Variants in TRIM24 observed in about 807,000 individuals in gnomAD.
TRIM24 encodes the protein tripartite motif containing 24.
TRIM24 carries 29 observed loss-of-function variants against 123.9 expected under a neutral mutation model. The ratio of observed to expected loss-of-function variants is 0.23; its 90% CI spans 0.17 to 0.32. TRIM24 has a LOEUF of 0.32. Among genes scored for constraint, TRIM24 ranks in the 10% least tolerant of loss-of-function variants. TRIM24 has a pLI of 1.00. For missense variants in TRIM24, 932 were observed against 1,295.3 expected (o/e 0.72, Z 4.31); for synonymous variants, 456 against 461.1 (o/e 0.99, Z 0.14).
In TRIM24 at chr7:138,588,187, T is replaced by C. The variant is rs1798050108; in HGVS notation, c.*3236T>C. On this transcript the variant is annotated 3_prime_UTR_variant, in exon 19 of 19. Transcript: ENST00000343526. ...TATGAAACTGCATTTCAATATGCTA[T>C]GCTGTTACTGTGCTTAGACACTTCC... The C allele has an allele frequency of 1.3e-5, 2 of 152,228 alleles. No homozygotes were observed. Among genetic ancestry groups the C allele is most frequent in the Non-Finnish European group, 2.9e-5 (2 of 68,046 alleles). 9.4% of individuals were successfully genotyped at this position (152,228 alleles called of 1,614,324 possible). A position where few individuals can be genotyped will look rare whatever the true frequency, so the allele number is the denominator to read the frequency against.
chr7:138,475,384 A>C (rs969191268), intron 1 of TRIM24, among the ~76,000 whole-genome samples: 2 of 152,224 alleles, frequency 1.3e-5, no homozygotes, highest in African/African-American at 2.4e-5. Context: ...CAAAAGAAAC[A>C]AATACAATGA....
chr7:138,461,921 A>G (rs543276293), intron 1 of TRIM24, among the ~76,000 whole-genome samples: 1 of 152,318 alleles, frequency 6.6e-6, no homozygotes, highest in Admixed American at 6.5e-5. Flanking sequence ...TACTTCAAAT[A>G]GATTGTGGGC....
chr7:138,518,373 A>T (rs1244440583), intron 3 of TRIM24, among the ~76,000 whole-genome samples: 1 of 152,164 alleles, frequency 6.6e-6, no homozygotes. Flanking sequence ...TGGAGGTAAG[A>T]TTATTTCTGA....
At chr7:138,461,154 G>A (rs1473084634) in intron 1 of TRIM24, 1 of 702,992 alleles carries the variant, frequency 1.4e-6, no homozygotes, top group East Asian at 2.8e-5. Context: ...CGCCGCCGCT[G>A]CTCCGCATTC....
At chr7:138,541,061 A>G (rs2116612978) in intron 7 of TRIM24, among the ~76,000 whole-genome samples, 1 of 152,200 alleles carries the variant, frequency 6.6e-6, no homozygotes, top group African/African-American at 2.4e-5. Context: ...CTGGTCTCGA[A>G]ACTCCTGACC....
chr7:138,549,108 T>C (rs2116626801), intron 7 of TRIM24, among the ~76,000 whole-genome samples: 1 of 152,300 alleles, frequency 6.6e-6, no homozygotes, highest in Middle Eastern at 3.4e-3. Context: ...GCACTGTAGG[T>C]TTGTTTACAC....
At chr7:138,481,087 G>T (rs1833494) in intron 1 of TRIM24, among the ~76,000 whole-genome samples, 5,583 of 152,154 alleles carry the variant, frequency 0.037, 149 homozygotes, top group Middle Eastern at 0.088. Context: ...CTGACCCCCA[G>T]GTTCAAGCGA....
chr7:138,508,752 T>G (rs2116540747), intron 2 of TRIM24, among the ~76,000 whole-genome samples: 1 of 151,836 alleles, frequency 6.6e-6, no homozygotes, highest in Admixed American at 6.6e-5. Flanking sequence ...TGTGTCACTC[T>G]GTTTGAGTCT....
At chr7:138,477,238 T>G (rs1795424025) in intron 1 of TRIM24, among the ~76,000 whole-genome samples, 1 of 152,118 alleles carries the variant, frequency 6.6e-6, no homozygotes, top group Non-Finnish European at 1.5e-5. Flanking sequence ...GAGAACTGCT[T>G]GAACCCAGGA....
At chr7:138,485,084 T>G (rs1454902284) in intron 1 of TRIM24, among the ~76,000 whole-genome samples, 2 of 152,144 alleles carry the variant, frequency 1.3e-5, no homozygotes, top group African/African-American at 4.8e-5. Flanking sequence ...TTCTCTTTCC[T>G]CAATATGGAT....
chr7:138,466,291 G>A (rs767117203), intron 1 of TRIM24, among the ~76,000 whole-genome samples: 1 of 152,058 alleles, frequency 6.6e-6, no homozygotes, highest in Non-Finnish European at 1.5e-5. Context: ...CACTGTGCCT[G>A]GCCTGTCAGT....
chr7:138,566,513 A>G (rs1377993874), intron 9 of TRIM24, among the ~76,000 whole-genome samples: 1 of 152,054 alleles, frequency 6.6e-6, no homozygotes, highest in Non-Finnish European at 1.5e-5. Flanking sequence ...CAAACAAACA[A>G]AAAACAGAAA....
chr7:138,481,917 G>A (rs1795534905), intron 1 of TRIM24, among the ~76,000 whole-genome samples: 1 of 152,148 alleles, frequency 6.6e-6, no homozygotes, highest in South Asian at 2.1e-4. Context: ...GTATGGTGAG[G>A]TTGCAGTCCA....
rs147789598 is a variant in TRIM24, at chr7:138,554,711, C to T, written c.1275C>T (p.Ile425=). ...CTTTTTAATTAGGTTCTTTAGTAAT[C>T]GAGGATAAAGAGAGCCAGCCACAAA... The part of the protein sequence containing the change: ...QNIINLGSLV[I]EDKESQPQMP... The change falls in exon 9 of 19, where the codon ATC becomes ATT. Residue 425 remains isoleucine (I), a synonymous_variant. Transcript: ENST00000343526. The surrounding 1 kb of genome is among the most constrained non-coding windows in gnomAD (Gnocchi z 4.5). 53 of 1,613,666 alleles carry T rather than the reference C, an allele frequency of 3.3e-5. No individual in the cohort carries two copies. The highest frequency in any genetic ancestry group is 2.1e-4 in the African/African-American group (16 of 74,896).
At chr7:138,490,632 A>G (rs1345911351) in intron 1 of TRIM24, 1 of 328,768 alleles carries the variant, frequency 3.0e-6, no homozygotes, top group South Asian at 2.7e-5. Flanking sequence ...ATTAGCACGT[A>G]TCTCATCCCC....
intron 9 of TRIM24, among the ~76,000 whole-genome samples, chr7:138,564,211 T>C (rs1047991190): frequency 3.0e-4 from 46 of 152,158 alleles, no homozygotes; most frequent in Admixed American, 2.2e-3. Flanking sequence ...CTTGACCCTG[T>C]TCATCATAAT....
intron 9 of TRIM24, among the ~76,000 whole-genome samples, chr7:138,557,640 GT>G (rs1797342104): frequency 6.6e-6 from 1 of 152,166 alleles, no homozygotes; most frequent in Admixed American, 6.5e-5. Context: ...GATTTTTGCA[GT>G]TATATCTTCA....
intron 1 of TRIM24, chr7:138,461,396 T>G (rs1317940165): frequency 2.5e-6 from 1 of 396,960 alleles, no homozygotes; most frequent in Non-Finnish European, 4.9e-6. Context: ...TGACTTTCTT[T>G]GATGATTGAT....
chr7:138,538,862 AT>A (rs750361257), intron 7 of TRIM24, 59 bp downstream of exon 7: 32 of 1,429,950 alleles, frequency 2.2e-5, no homozygotes, highest in Non-Finnish European at 2.8e-5. Context: ...CAATGGAGCC[AT>A]TGTAATGCTT....
Sources: allele counts gnomAD v4.1 joint callset (sites outside exome capture counted in the v4.1 genomes callset), GRCh38; gene constraint gnomAD v4.1.1; non-coding constraint Gnocchi (gnomAD v3.1); transcripts MANE v1.5; gene names NCBI Gene and HGNC (gene_info 2026-07-23, HGNC 2026-07-21).